TMEM192: variants seen among roughly 807,000 people sequenced by gnomAD.
TMEM192 encodes transmembrane protein 192.
A neutral mutation model predicts 26.7 loss-of-function variants in TMEM192; 20 were observed. That is an observed-to-expected ratio of 0.75 (90% CI 0.53 to 1.09). The LOEUF is 1.09. Among genes scored for constraint, TMEM192 ranks in the 50% least tolerant of loss-of-function variants. The pLI is 0.00. For missense variants in TMEM192, 304 were observed against 322.6 expected, an observed-to-expected ratio of 0.94 and a Z score of 0.44; for synonymous variants, 124 against 121.0, an observed-to-expected ratio of 1.02 and a Z score of -0.16.
intron 3 of TMEM192, among the ~76,000 whole-genome samples, chr4:165,090,775 A>G (rs1394761881): frequency 6.6e-6 from 1 of 151,934 alleles, no homozygotes; most frequent in African/African-American, 2.4e-5. Context: ...GTGGTGGTGC[A>G]CATTTGTAAT....
At chr4:165,097,513 A>G (rs895735390) in intron 3 of TMEM192, among the ~76,000 whole-genome samples, 1 of 143,972 alleles carries the variant, frequency 6.9e-6, no homozygotes, top group Non-Finnish European at 1.5e-5. Flanking sequence ...AAAAAAAAGA[A>G]AAAAGAAAAT....
chr4:165,103,156 C>A (rs1257412702), intron 1 of TMEM192, 60 bp from the exon 2 acceptor site: 1 of 1,465,284 alleles, frequency 6.8e-7, no homozygotes, highest in Admixed American at 2.3e-5. Flanking sequence ...GTTTCTAAGA[C>A]AAATCTACTA....
intron 3 of TMEM192, among the ~76,000 whole-genome samples, chr4:165,094,970 G>T (rs1468926977): frequency 8.4e-6 from 1 of 118,468 alleles, no homozygotes; most frequent in Non-Finnish European, 2.0e-5. Context: ...GTGAAACTCA[G>T]TCTCAAAAAA....
intron 3 of TMEM192, among the ~76,000 whole-genome samples, chr4:165,092,138 T>TA (rs899752238): frequency 7.4e-6 from 1 of 134,532 alleles, no homozygotes; most frequent in Non-Finnish European, 1.6e-5. Context: ...TTTTTTTTTT[T>TA]TGAGATGGAG....
chr4:165,111,794 T>C (rs1357166802), intron 1 of TMEM192: 1 of 152,236 alleles, frequency 6.6e-6, no homozygotes, highest in Non-Finnish European at 1.5e-5. Flanking sequence ...TGGAACTGTT[T>C]CATGTTTCTC....
intron 3 of TMEM192, among the ~76,000 whole-genome samples, chr4:165,099,370 GC>G (rs1356271860): frequency 1.3e-5 from 2 of 152,070 alleles, no homozygotes; most frequent in Non-Finnish European, 2.9e-5. Context: ...ACAGGCATGA[GC>G]TACTGTGCCC....
At chr4:165,084,230 G>A (rs774485711) in intron 5 of TMEM192, among the ~76,000 whole-genome samples, 5 of 150,814 alleles carry the variant, frequency 3.3e-5, no homozygotes, top group African/African-American at 4.9e-5. Flanking sequence ...ATGGAGTCTC[G>A]CTCTGTTGCC....
intron 3 of TMEM192, among the ~76,000 whole-genome samples, chr4:165,091,966 G>A (rs1237154200): frequency 2.0e-5 from 3 of 152,102 alleles, no homozygotes; most frequent in African/African-American, 4.8e-5. Context: ...CAGAACTAAA[G>A]AATGATTAAG....
In TMEM192 at chr4:165,079,607, G is replaced by T; in HGVS notation, c.*51C>A. 6.4e-7 allele frequency: 1 copy of T among 1,556,394 alleles called. No individual in the cohort carries two copies. Among genetic ancestry groups the T allele is most frequent in the Non-Finnish European group, 8.7e-7 (1 of 1,147,510 alleles). On this transcript the variant is annotated 3_prime_UTR_variant, in exon 6 of 6. Transcript: ENST00000306480. The stretch of plus-strand genomic sequence containing the variant: ...TGGCAGCTTGTCAGGTGGTCAGTCA[G>T]TCTCAATTACTCTGGGTTCCTCTGC...
intron 3 of TMEM192, among the ~76,000 whole-genome samples, chr4:165,089,591 A>G (rs930368894): frequency 2.6e-5 from 4 of 152,090 alleles, no homozygotes; most frequent in Non-Finnish European, 4.4e-5. Context: ...CCAAAGTGCT[A>G]GGATTACAGG....
intron 3 of TMEM192, among the ~76,000 whole-genome samples, chr4:165,097,589 GA>G (rs1330463603): frequency 6.7e-5 from 8 of 120,030 alleles, no homozygotes; most frequent in Admixed American, 1.6e-4. Flanking sequence ...TTTTTTTGGA[GA>G]AAAAAATCTC....
At chr4:165,108,687 C>T (rs1735224810) in intron 1 of TMEM192, among the ~76,000 whole-genome samples, 1 of 152,150 alleles carries the variant, frequency 6.6e-6, no homozygotes. Flanking sequence ...CTTTATGAGG[C>T]CTCCAAGAGC....
In TMEM192 at chr4:165,076,587, C is replaced by T. The variant is rs1299163775; in HGVS notation, c.*3071G>A. ...TCTTAAAACCCTCTACCCTCCTGCC[C>T]CCAGGGTACCCCCTGACGTGGAGCT... On this transcript the variant is annotated 3_prime_UTR_variant, in exon 6 of 6. Transcript: ENST00000306480. 1.3e-5 allele frequency: 2 copies of T among 152,238 alleles called. No homozygotes were observed. Among genetic ancestry groups the T allele is most frequent in the South Asian group, 2.1e-4 (1 of 4,826 alleles). 9.4% of individuals were successfully genotyped at this position (152,238 alleles called of 1,614,324 possible).
chr4:165,085,796 A>G (rs1734600722), intron 4 of TMEM192, 108 bp from the exon 5 acceptor site: 1 of 748,998 alleles, frequency 1.3e-6, no homozygotes, highest in Non-Finnish European at 2.2e-6. Flanking sequence ...GAGTATTTCA[A>G]ATTCTACTAT....
chr4:165,107,280 C>T (rs1735183773), intron 1 of TMEM192, among the ~76,000 whole-genome samples: 1 of 151,898 alleles, frequency 6.6e-6, no homozygotes, highest in African/African-American at 2.4e-5. Flanking sequence ...CCTCAGCCTC[C>T]CAAAGTGCTG....
intron 3 of TMEM192, among the ~76,000 whole-genome samples, chr4:165,098,738 C>T (rs1734972298): frequency 1.3e-5 from 2 of 151,970 alleles, no homozygotes; most frequent in South Asian, 4.1e-4. Flanking sequence ...GCTCTTGTTG[C>T]CCAGGCTGGA....
rs558351787 is a variant in TMEM192, at chr4:165,096,076, C to T, written c.439+4552G>A. ...CCTCCCAAAGTGCTGGTGTTACAGG[C>T]GTGAGCCACTGCACCTGGCCCAAAT... On this transcript the variant is annotated intron_variant, in intron 3 of 5. Transcript: ENST00000306480. Among the ~76,000 whole-genome samples, 10 of 151,712 alleles carry T rather than the reference C, an allele frequency of 6.6e-5. No homozygotes were observed. In the South Asian group the frequency reaches 2.1e-3, roughly 32 times the overall value.
At chr4:165,094,953 A>G (rs989124367) in intron 3 of TMEM192, among the ~76,000 whole-genome samples, 12 of 150,188 alleles carry the variant, frequency 8.0e-5, no homozygotes, top group African/African-American at 2.7e-4. Flanking sequence ...CAGCCTGGGC[A>G]ACAAGAGTGA....
chr4:165,091,573 A>G (rs1734765249), intron 3 of TMEM192, among the ~76,000 whole-genome samples: 1 of 152,222 alleles, frequency 6.6e-6, no homozygotes, highest in Admixed American at 6.6e-5. Context: ...GTTAGAGCTC[A>G]GCACTGACAC....
Sources: allele counts gnomAD v4.1 joint callset (sites outside exome capture counted in the v4.1 genomes callset), GRCh38; gene constraint gnomAD v4.1.1; transcripts MANE v1.5; gene names NCBI Gene and HGNC (gene_info 2026-07-23, HGNC 2026-07-21).